Variants in KCNQ3 observed in about 807,000 individuals in gnomAD.
KCNQ3 encodes the protein potassium voltage-gated channel subfamily Q member 3.
A neutral mutation model predicts 92.5 loss-of-function variants in KCNQ3; 30 were observed. The observed-to-expected ratio is 0.32, with a 90% CI of 0.24 to 0.44. The LOEUF (loss-of-function observed/expected upper bound fraction) is 0.44. Ranked by LOEUF, KCNQ3 falls within the 20% of genes least tolerant of loss-of-function variation. The pLI is 1.00. For synonymous variants in KCNQ3, 450 were observed against 468.8 expected, an observed-to-expected ratio of 0.96 and a Z score of 0.52; for missense variants, 913 against 1,140.3, an observed-to-expected ratio of 0.80 and a Z score of 2.87.
intron 1 of KCNQ3, among the ~76,000 whole-genome samples, chr8:132,338,181 T>C (rs1158218969): frequency 6.6e-6 from 1 of 152,204 alleles, no homozygotes. Context: ...ACAATGGCCC[T>C]GTGAGAGTAT....
chr8:132,257,765 A>AAG (rs1313537487), intron 1 of KCNQ3, among the ~76,000 whole-genome samples: 91 of 85,172 alleles, frequency 1.1e-3, no homozygotes, highest in African/African-American at 2.8e-3. Flanking sequence ...AAAAAAAAAA[A>AAG]AGAGAGAGAG....
intron 1 of KCNQ3, among the ~76,000 whole-genome samples, chr8:132,436,070 A>G (rs1821386658): frequency 6.6e-6 from 1 of 152,256 alleles, no homozygotes; most frequent in Non-Finnish European, 1.5e-5. Context: ...ATTCCAGGAA[A>G]AGCATTAATT....
intron 9 of KCNQ3, among the ~76,000 whole-genome samples, chr8:132,146,429 G>A (rs1825448842): frequency 1.3e-5 from 2 of 152,220 alleles, no homozygotes; most frequent in Admixed American, 6.5e-5. Flanking sequence ...GATATCAAGT[G>A]TGGTCAAGCT....
chr8:132,360,547 C>T (rs1201186676), intron 1 of KCNQ3, among the ~76,000 whole-genome samples: 5 of 152,126 alleles, frequency 3.3e-5, no homozygotes, highest in Admixed American at 2.6e-4. Context: ...TTTCAACCTC[C>T]CAGAGGCTCT....
intron 1 of KCNQ3, among the ~76,000 whole-genome samples, chr8:132,380,660 T>C (rs1474553925): frequency 2.0e-5 from 3 of 151,814 alleles, no homozygotes. Flanking sequence ...TTACCTTCTG[T>C]TTTTTCCCAC....
chr8:132,193,166 A>G (rs1450163445), intron 1 of KCNQ3, among the ~76,000 whole-genome samples: 1 of 152,184 alleles, frequency 6.6e-6, no homozygotes, highest in African/African-American at 2.4e-5. Flanking sequence ...GAGAGCCAAT[A>G]GCAGCCTTCT....
chr8:132,204,364 C>T (rs1045807371), intron 1 of KCNQ3, among the ~76,000 whole-genome samples: 17 of 152,206 alleles, frequency 1.1e-4, no homozygotes, highest in Non-Finnish European at 1.9e-4. Context: ...CTATCCCTGC[C>T]TAGCCTCTGG....
At chr8:132,404,716 G>A (rs1820432809) in intron 1 of KCNQ3, among the ~76,000 whole-genome samples, 1 of 152,116 alleles carries the variant, frequency 6.6e-6, no homozygotes. Context: ...GCTCATACAA[G>A]AACTAAAACT....
At chr8:132,402,010 G>A (rs142739034) in intron 1 of KCNQ3, among the ~76,000 whole-genome samples, 82 of 152,348 alleles carry the variant, frequency 5.4e-4, no homozygotes, top group African/African-American at 1.9e-3. Context: ...GGGGAAGGAG[G>A]CTGTGCCTGG....
chr8:132,409,326 C>T (rs1273194510), intron 1 of KCNQ3, among the ~76,000 whole-genome samples: 1 of 152,108 alleles, frequency 6.6e-6, no homozygotes. Context: ...ACTGAGGACC[C>T]AAGGTGACAC....
intron 1 of KCNQ3, among the ~76,000 whole-genome samples, chr8:132,416,662 G>T (rs553640053): frequency 1.7e-3 from 265 of 152,204 alleles, no homozygotes; most frequent in Non-Finnish European, 3.1e-3. Flanking sequence ...TACTCAAGAG[G>T]TGTATACATC....
chr8:132,137,806 C>T, intron 12 of KCNQ3, 79 bp downstream of exon 12: 1 of 1,528,982 alleles, frequency 6.5e-7, no homozygotes, highest in Non-Finnish European at 9.0e-7. Flanking sequence ...TGAATTATTT[C>T]TGAATACCTC....
At chr8:132,325,969 C>T (rs1818035719) in intron 1 of KCNQ3, among the ~76,000 whole-genome samples, 1 of 152,074 alleles carries the variant, frequency 6.6e-6, no homozygotes, top group Admixed American at 6.5e-5. Flanking sequence ...CTTCGTATGT[C>T]GAATGTAAAA....
chr8:132,405,416 G>C (rs754137836), intron 1 of KCNQ3, among the ~76,000 whole-genome samples: 1 of 152,222 alleles, frequency 6.6e-6, no homozygotes, highest in African/African-American at 2.4e-5. Flanking sequence ...GTGAACAATA[G>C]AGACTGATCC....
intron 1 of KCNQ3, among the ~76,000 whole-genome samples, chr8:132,458,205 C>A (rs1280453204): frequency 2.0e-5 from 3 of 152,214 alleles, no homozygotes; most frequent in African/African-American, 4.8e-5. Flanking sequence ...TAGGGCCACA[C>A]AGTGAGAAGT....
intron 1 of KCNQ3, among the ~76,000 whole-genome samples, chr8:132,192,448 T>C (rs946458023): frequency 6.6e-6 from 1 of 152,234 alleles, no homozygotes; most frequent in African/African-American, 2.4e-5. Context: ...GATGTGGCGC[T>C]GAACGTGGGG....
chr8:132,480,674 C>CCG lies in KCNQ3; in HGVS notation c.-143_-142insCG. 1 of 864,830 alleles carries CCG rather than the reference C, an allele frequency of 1.2e-6. No individual in the cohort carries two copies. Among genetic ancestry groups the CCG allele is most frequent in the Non-Finnish European group, 1.4e-6 (1 of 710,010 alleles). The allele number at this position is 864,830 out of a possible 1,614,324, so 53.6% of individuals were successfully genotyped here. On this transcript the variant is annotated 5_prime_UTR_variant, in exon 1 of 15. Transcript: ENST00000388996. The stretch of plus-strand genomic sequence containing the variant: ...ATGATCCGCGCGCCCCTCCCCACCC[C>CCG]CCCCCAAAAGCAGGCAAAGGCGGGC...
chr8:132,142,556 G>A (rs552373742), intron 9 of KCNQ3, among the ~76,000 whole-genome samples: 1 of 152,034 alleles, frequency 6.6e-6, no homozygotes, highest in South Asian at 2.1e-4. Context: ...CTTTTTTGTG[G>A]TACTTTCCAG....
intron 1 of KCNQ3, among the ~76,000 whole-genome samples, chr8:132,442,576 AT>A (rs1178846327): frequency 6.6e-6 from 1 of 152,158 alleles, no homozygotes; most frequent in Non-Finnish European, 1.5e-5. Flanking sequence ...CTAAATGCCA[AT>A]GGCAAACTTC....
Sources: gnomAD v4.1 joint callset for allele counts (sites outside exome capture counted in the v4.1 genomes callset) on GRCh38, gnomAD v4.1.1 for gene constraint, MANE v1.5 for transcripts, NCBI Gene and HGNC (gene_info 2026-07-23, HGNC 2026-07-21) for gene names.